Variants in ERCC6L2 observed in about 807,000 individuals in gnomAD.
ERCC6L2 encodes the protein DNA excision repair protein ERCC-6-like 2.
In ERCC6L2, 77 loss-of-function variants were observed where a neutral mutation model predicts 132.0. The ratio of observed to expected loss-of-function variants is 0.58; its 90% CI spans 0.49 to 0.71. The LOEUF is 0.71. Ranked by LOEUF, ERCC6L2 falls within the 30% of genes least tolerant of loss-of-function variation. The pLI is 0.00. For synonymous variants in ERCC6L2, 583 were observed against 632.4 expected (o/e 0.92, Z 1.17); for missense variants, 1,542 against 1,837.6 (o/e 0.84, Z 2.94).
rs1315320668 is a variant in ERCC6L2 at position 96,004,530 on chromosome 9, A to G, written c.3503A>G (p.Glu1168Gly). 3 of 1,302,506 alleles carry G rather than the reference A, an allele frequency of 2.3e-6. No individual in the cohort carries two copies. The highest frequency in any genetic ancestry group is 3.0e-6 in the Non-Finnish European group (3 of 987,944). 80.7% of individuals were successfully genotyped at this position (1,302,506 alleles called of 1,614,324 possible). ...CTTTCTTTTTTTCAGACATATAAAG[A>G]AAAAGTGGATGCAGATACATTGCCA... ...IAVCSSKTYK[E>G]KVDADTLPHT... Residue 1168 changes from glutamate (E) to glycine (G), a missense_variant, in exon 18 of 19, where the codon GAA becomes GGA. Physicochemically the swap from Glu to Gly is moderately conservative, Grantham distance 98 (BLOSUM62 -2). Around this residue, in one of 4 missense-constraint regions of ERCC6L2, gnomAD observed 442 missense variants for 583.4 expected, o/e 0.76. Coordinates refer to ENST00000653738, the MANE Select transcript of ERCC6L2 (RefSeq NM_020207.7).
Position 95,881,060 on chromosome 9 carries a change from A to G in ERCC6L2, c.238A>G (p.Arg80Gly). The change falls in exon 2 of 19, where the codon AGG becomes GGG. Residue 80 changes from arginine (R) to glycine (G), a missense_variant. This residue lies in a region of ERCC6L2 where 153 missense variants were observed against 132.3 expected (regional missense o/e 1.16). Coordinates refer to ENST00000653738, the MANE Select transcript of ERCC6L2 (RefSeq NM_020207.7). The stretch of plus-strand genomic sequence containing the variant: ...AGTGAAATTTGTTAAAGATTGCCCT[A>G]GGAATCTTATATTTGATGATGAAGA... ...QEVKFVKDCP[R>G]NLIFDDEDLE... 1 of 1,613,530 alleles carries G rather than the reference A, an allele frequency of 6.2e-7. No homozygotes were observed. The highest frequency in any genetic ancestry group is 8.5e-7 in the Non-Finnish European group (1 of 1,179,538).
intron 3 of ERCC6L2, among the ~76,000 whole-genome samples, chr9:95,900,442 T>C (rs1828713399): frequency 6.6e-6 from 1 of 152,126 alleles, no homozygotes; most frequent in Non-Finnish European, 1.5e-5. Flanking sequence ...TAGTTTTTAA[T>C]ATGTAGTTTT....
At chr9:95,916,712 G>T in intron 6 of ERCC6L2, among the ~76,000 whole-genome samples, 1 of 146,140 alleles carries the variant, frequency 6.8e-6, no homozygotes, top group Admixed American at 6.8e-5. Context: ...AGACAGAGTC[G>T]GGCTCTGTCA....
chr9:96,021,005 AAGTCCTCAGTGTCG>A, downstream of ERCC6L2: 1 of 456,308 alleles, frequency 2.2e-6, no homozygotes, highest in South Asian at 1.5e-5. The surrounding 1 kb of genome is among the most constrained non-coding windows in gnomAD (Gnocchi z 4.7). Context: ...GTTGGACCAA[AAGTCCTCAGTGTCG>A]GGGGCTCGCA....
chr9:95,998,403 C>T (rs568451105), intron 17 of ERCC6L2, among the ~76,000 whole-genome samples: 3 of 152,178 alleles, frequency 2.0e-5, no homozygotes, highest in Non-Finnish European at 4.4e-5. Context: ...GTTGTAGATG[C>T]AATTAAGGTT....
chr9:96,027,251 C>A (rs1178921585), intron 19 of ERCC6L2, among the ~76,000 whole-genome samples: 1 of 152,166 alleles, frequency 6.6e-6, no homozygotes, highest in African/African-American at 2.4e-5. Context: ...GCCCCCCTCC[C>A]GCCTCCTGTG....
chr9:95,956,578 A>C (rs1436608099), intron 13 of ERCC6L2, among the ~76,000 whole-genome samples: 1 of 152,210 alleles, frequency 6.6e-6, no homozygotes, highest in African/African-American at 2.4e-5. Context: ...ACAGTTTCAC[A>C]TGGCGGGGGA....
At chr9:95,928,025 A>G in intron 9 of ERCC6L2, 54 bp from the exon 10 acceptor site, 4 of 1,176,138 alleles carry the variant, frequency 3.4e-6, no homozygotes, top group Non-Finnish European at 5.1e-6. Context: ...TTATATGTAT[A>G]AAGTGTACTT....
intron 17 of ERCC6L2, among the ~76,000 whole-genome samples, chr9:96,002,979 T>G (rs1029184191): frequency 6.6e-6 from 1 of 152,174 alleles, no homozygotes; most frequent in Non-Finnish European, 1.5e-5. Context: ...TTAACTTCCC[T>G]ATTTTTTTTA....
chr9:95,901,910 T>C (rs1021170101), intron 3 of ERCC6L2, among the ~76,000 whole-genome samples: 14 of 152,228 alleles, frequency 9.2e-5, no homozygotes, highest in Non-Finnish European at 4.4e-5. Context: ...TATTGGTTCA[T>C]TTAAAACAAT....
At chr9:95,879,906 A>T (rs895026047) in intron 1 of ERCC6L2, among the ~76,000 whole-genome samples, 1 of 152,162 alleles carries the variant, frequency 6.6e-6, no homozygotes, top group East Asian at 1.9e-4. Context: ...TAGCCATAGA[A>T]TTATTTTTGG....
At chr9:95,882,286 AAGTCCAGCC>A (rs1827637024) in intron 2 of ERCC6L2, among the ~76,000 whole-genome samples, 1 of 152,234 alleles carries the variant, frequency 6.6e-6, no homozygotes, top group Non-Finnish European at 1.5e-5. Context: ...GCAAGTTGCT[AAGTCCAGCC>A]AGAACTCAAG....
Position 95,875,947 on chromosome 9 carries a change from G to A in ERCC6L2, c.-92G>A. On this transcript the variant is annotated 5_prime_UTR_variant, in exon 1 of 19. Coordinates refer to ENST00000653738, the MANE Select transcript of ERCC6L2 (RefSeq NM_020207.7). ...CGGAGGGCGGCCGGAAGTGGCGTTG[G>A]CCGCCATTGGCCTGCCGGCCAGCCA... 2.9e-6 allele frequency: 4 copies of A among 1,399,212 alleles called. No individual in the cohort carries two copies. In the East Asian group the frequency reaches 7.6e-5, roughly 26 times the overall value. The allele number at this position is 1,399,212 out of a possible 1,614,324, so 86.7% of individuals were successfully genotyped here. A position where few individuals can be genotyped will look rare whatever the true frequency, so the allele number is the denominator to read the frequency against.
intron 9 of ERCC6L2, 145 bp from the exon 10 acceptor site, chr9:95,927,934 G>A: frequency 3.6e-6 from 2 of 549,476 alleles, no homozygotes; most frequent in East Asian, 5.8e-5. Context: ...TCTCTAACTT[G>A]GAAAAAATGA....
chr9:95,970,146 A>C (rs1832348090), intron 14 of ERCC6L2, among the ~76,000 whole-genome samples: 1 of 152,182 alleles, frequency 6.6e-6, no homozygotes, highest in East Asian at 1.9e-4. Flanking sequence ...ATATAGTAAC[A>C]ATATAGGCTA....
At chr9:96,035,114 A>G (rs1352385505) in intron 19 of ERCC6L2, among the ~76,000 whole-genome samples, 1 of 152,042 alleles carries the variant, frequency 6.6e-6, no homozygotes, top group Non-Finnish European at 1.5e-5. Context: ...TGCCTGTCCA[A>G]TCCCACTGCC....
intron 19 of ERCC6L2, among the ~76,000 whole-genome samples, chr9:96,026,648 C>CCA (rs935055947): frequency 7.0e-6 from 1 of 142,126 alleles, no homozygotes; most frequent in South Asian, 2.2e-4. Context: ...CACAAACACA[C>CCA]CACACACAAA....
intron 2 of ERCC6L2, among the ~76,000 whole-genome samples, chr9:95,894,217 T>C (rs1564200083): frequency 6.6e-6 from 1 of 152,022 alleles, no homozygotes; most frequent in Non-Finnish European, 1.5e-5. Context: ...AAACAATGAT[T>C]GTATGGGTAC....
intron 1 of ERCC6L2, chr9:95,877,060 G>T (rs1344362300): frequency 6.6e-6 from 1 of 152,222 alleles, no homozygotes; most frequent in Non-Finnish European, 1.5e-5. Context: ...GCTTGAGGAG[G>T]CCTTTGGAGT....
Sources: gnomAD v4.1 joint callset for allele counts (sites outside exome capture counted in the v4.1 genomes callset) on GRCh38, gnomAD v4.1.1 for gene constraint, gnomAD v4.1.1 regional missense constraint, Gnocchi (gnomAD v3.1) non-coding constraint, MANE v1.5 for transcripts, NCBI Gene and HGNC (gene_info 2026-07-23, HGNC 2026-07-21) for gene names.